FAF1: variants seen among roughly 807,000 people sequenced by gnomAD.
FAF1 encodes the protein FAS-associated factor 1.
A neutral mutation model predicts 92.5 loss-of-function variants in FAF1; 25 were observed. That is an observed-to-expected ratio of 0.27 (90% CI 0.20 to 0.38). The LOEUF (loss-of-function observed/expected upper bound fraction) is 0.38, where lower values mean the gene tolerates loss of function less well. Ranked by LOEUF, FAF1 falls within the 10% of genes least tolerant of loss-of-function variation. The probability of loss-of-function intolerance (pLI) is 1.00; values close to 1 mark genes in which losing one functional copy is unlikely to be tolerated. For missense variants in FAF1, 636 were observed against 793.3 expected (o/e 0.80, Z 2.38); for synonymous variants, 234 against 273.2 (o/e 0.86, Z 1.42).
chr1:50,562,913 G>GAA (rs778654007), intron 13 of FAF1, among the ~76,000 whole-genome samples: 1 of 152,092 alleles, frequency 6.6e-6, no homozygotes, highest in Non-Finnish European at 1.5e-5. Flanking sequence ...AAAATATTCA[G>GAA]AAAAAAATTG....
chr1:50,851,520 C>T (rs1258586919), intron 2 of FAF1, among the ~76,000 whole-genome samples: 1 of 152,152 alleles, frequency 6.6e-6, no homozygotes, highest in Non-Finnish European at 1.5e-5. Flanking sequence ...TATATTTATA[C>T]TGCCAATTTA....
chr1:50,590,400 T>C (rs958737161), intron 9 of FAF1, among the ~76,000 whole-genome samples: 4 of 152,250 alleles, frequency 2.6e-5, no homozygotes, highest in Non-Finnish European at 5.9e-5. Flanking sequence ...TTCTGTTTGA[T>C]GCTTTGACAT....
intron 4 of FAF1, among the ~76,000 whole-genome samples, chr1:50,750,295 A>T (rs1242195573): frequency 1.3e-5 from 2 of 152,226 alleles, no homozygotes; most frequent in Admixed American, 6.5e-5. Context: ...AATTAACTTA[A>T]GTGCTTGCTT....
chr1:50,725,543 C>T (rs1658613468), intron 6 of FAF1, among the ~76,000 whole-genome samples: 1 of 152,120 alleles, frequency 6.6e-6, no homozygotes, highest in South Asian at 2.1e-4. Context: ...GCAACCTCTG[C>T]CTCCCAGGTT....
intron 15 of FAF1, among the ~76,000 whole-genome samples, chr1:50,506,606 C>G (rs961129807): frequency 6.6e-6 from 1 of 152,192 alleles, no homozygotes; most frequent in Non-Finnish European, 1.5e-5. Flanking sequence ...ACATATTTGT[C>G]TCTCACTAGA....
intron 2 of FAF1, among the ~76,000 whole-genome samples, chr1:50,830,132 T>C (rs1392489105): frequency 6.6e-6 from 1 of 152,226 alleles, no homozygotes; most frequent in Non-Finnish European, 1.5e-5. Context: ...TTTTTGGTTT[T>C]TTTGAGACAG....
chr1:50,657,502 C>A (rs576356768), intron 7 of FAF1, among the ~76,000 whole-genome samples: 1 of 151,880 alleles, frequency 6.6e-6, no homozygotes, highest in East Asian at 2.0e-4. Flanking sequence ...ATAGAGGCAG[C>A]AATGAGCCAC....
intron 7 of FAF1, among the ~76,000 whole-genome samples, chr1:50,683,343 A>G (rs961182778): frequency 3.3e-5 from 5 of 152,030 alleles, no homozygotes; most frequent in African/African-American, 7.2e-5. Flanking sequence ...ACTGGCCAAC[A>G]TGGTGAAGCC....
chr1:50,766,267 G>A (rs1453731751), intron 4 of FAF1, among the ~76,000 whole-genome samples: 3 of 152,136 alleles, frequency 2.0e-5, no homozygotes, highest in African/African-American at 7.2e-5. Context: ...TTTATAATAT[G>A]AGAAATCATT....
chr1:50,707,002 G>C (rs536480536), intron 6 of FAF1, among the ~76,000 whole-genome samples: 21 of 152,248 alleles, frequency 1.4e-4, no homozygotes, highest in Admixed American at 5.2e-4. Flanking sequence ...AGGAGATCAA[G>C]ACCATCCTGG....
At chr1:50,853,133 T>C (rs1570053809) in intron 2 of FAF1, among the ~76,000 whole-genome samples, 2 of 152,108 alleles carry the variant, frequency 1.3e-5, no homozygotes, top group East Asian at 3.9e-4. Context: ...AAACTGCAGG[T>C]GTTCATAACA....
intron 8 of FAF1, among the ~76,000 whole-genome samples, chr1:50,624,484 T>TA (rs1653399964): frequency 6.6e-6 from 1 of 152,140 alleles, no homozygotes; most frequent in African/African-American, 2.4e-5. Context: ...AAAAGTAATT[T>TA]ATCTCTCTGA....
At chr1:50,509,577 A>G (rs1647107120) in intron 15 of FAF1, among the ~76,000 whole-genome samples, 1 of 152,216 alleles carries the variant, frequency 6.6e-6, no homozygotes, top group Non-Finnish European at 1.5e-5. Context: ...GTACCACTGC[A>G]TTCTAGCTTG....
intron 4 of FAF1, among the ~76,000 whole-genome samples, chr1:50,776,633 A>C (rs746671353): frequency 1.3e-5 from 2 of 152,112 alleles, no homozygotes; most frequent in African/African-American, 2.4e-5. Context: ...ACAAGATGGC[A>C]GTTAAAATTT....
chr1:50,518,786 C>T (rs567837066), intron 15 of FAF1, among the ~76,000 whole-genome samples: 2 of 152,164 alleles, frequency 1.3e-5, no homozygotes, highest in South Asian at 2.1e-4. Flanking sequence ...AGAATAATAC[C>T]GAGCAGTAGG....
chr1:50,497,426 A>G (rs187596789), intron 15 of FAF1, among the ~76,000 whole-genome samples: 1 of 151,938 alleles, frequency 6.6e-6, no homozygotes, highest in African/African-American at 2.4e-5. Context: ...GAAGTCTTTC[A>G]GGTAAAAGGA....
chr1:50,846,650 G>C, intron 2 of FAF1: 2 of 537,970 alleles, frequency 3.7e-6, no homozygotes, highest in Non-Finnish European at 7.3e-6. Flanking sequence ...CAACAGAGGC[G>C]GGTATTTCCT....
intron 1 of FAF1, among the ~76,000 whole-genome samples, chr1:50,888,062 G>A (rs1339735965): frequency 6.6e-6 from 1 of 152,268 alleles, no homozygotes; most frequent in East Asian, 1.9e-4. Context: ...ATTGAGCAGT[G>A]GTTTGTAGTT....
At chr1:50,892,686 G>C (rs1644729589) in intron 1 of FAF1, among the ~76,000 whole-genome samples, 3 of 152,030 alleles carry the variant, frequency 2.0e-5, no homozygotes. Flanking sequence ...GAATCAGCTT[G>C]GTGTTCTATA....
Sources: gnomAD v4.1 joint callset for allele counts (sites outside exome capture counted in the v4.1 genomes callset) on GRCh38, gnomAD v4.1.1 for gene constraint, MANE v1.5 for transcripts, NCBI Gene and HGNC (gene_info 2026-07-23, HGNC 2026-07-21) for gene names.